PLEKHA7: variants seen among roughly 807,000 people sequenced by gnomAD.
The protein encoded by PLEKHA7 is pleckstrin homology domain containing A7, also known as pleckstrin homology domain-containing family A member 7.
In PLEKHA7, 104 loss-of-function variants were observed where a neutral mutation model predicts 170.0. The observed-to-expected ratio is 0.61, with a 90% CI of 0.52 to 0.72. The LOEUF is 0.72. PLEKHA7 is among the 30% of genes least tolerant of loss of function. The pLI is 0.00. For synonymous variants in PLEKHA7, 648 were observed against 660.8 expected (o/e 0.98, Z 0.30); for missense variants, 1,615 against 1,671.7 (o/e 0.97, Z 0.59).
At chr11:17,009,203 C>A (rs1033551476) in intron 3 of PLEKHA7, among the ~76,000 whole-genome samples, 9 of 152,174 alleles carry the variant, frequency 5.9e-5, no homozygotes, top group African/African-American at 2.2e-4. Flanking sequence ...GTTCCAGTCC[C>A]AGCTCTAACA....
At chr11:16,811,866 C>T (rs1849395853) in intron 13 of PLEKHA7, among the ~76,000 whole-genome samples, 1 of 152,212 alleles carries the variant, frequency 6.6e-6, no homozygotes, top group African/African-American at 2.4e-5. Context: ...CTCTCCTTGG[C>T]TCTCACTGAT....
At chr11:16,913,514 C>T (rs78743074) in intron 3 of PLEKHA7, among the ~76,000 whole-genome samples, 1,707 of 152,284 alleles carry the variant, frequency 0.011, 37 homozygotes, top group African/African-American at 0.038. Flanking sequence ...GCAGTGGTCA[C>T]GGGAGAGAGG....
At chr11:16,857,089 C>T (rs1172330571) in intron 4 of PLEKHA7, among the ~76,000 whole-genome samples, 1 of 152,200 alleles carries the variant, frequency 6.6e-6, no homozygotes, top group African/African-American at 2.4e-5. Context: ...TCCTAGTTTC[C>T]ACCATGGAAA....
chr11:16,902,945 T>C (rs1426716687), intron 3 of PLEKHA7, among the ~76,000 whole-genome samples: 1 of 152,112 alleles, frequency 6.6e-6, no homozygotes, highest in East Asian at 1.9e-4. Context: ...GCTCTTCCCA[T>C]AAGGAGAGAG....
intron 3 of PLEKHA7, among the ~76,000 whole-genome samples, chr11:16,898,790 C>T (rs958797692): frequency 3.3e-5 from 5 of 152,158 alleles, no homozygotes; most frequent in Admixed American, 6.5e-5. Context: ...GGCCTCCTTG[C>T]TTCTAGACTT....
At chr11:16,992,143 T>A (rs1317440589) in intron 3 of PLEKHA7, among the ~76,000 whole-genome samples, 3 of 152,062 alleles carry the variant, frequency 2.0e-5, no homozygotes, top group Non-Finnish European at 4.4e-5. Context: ...GAAAGCTACG[T>A]GACTCTGTGT....
chr11:16,857,018 C>T (rs1028145984), intron 4 of PLEKHA7, among the ~76,000 whole-genome samples: 10 of 152,148 alleles, frequency 6.6e-5, no homozygotes, highest in East Asian at 1.9e-4. Flanking sequence ...ATGCAGCTGA[C>T]GAAGCAACAC....
chr11:16,916,346 G>C (rs1858677733), intron 3 of PLEKHA7, among the ~76,000 whole-genome samples: 1 of 152,306 alleles, frequency 6.6e-6, no homozygotes, highest in Non-Finnish European at 1.5e-5. Flanking sequence ...TGGCTGTGCA[G>C]AAGCGCCAAG....
At chr11:16,850,685 C>A (rs1439043018) in intron 8 of PLEKHA7, among the ~76,000 whole-genome samples, 1 of 152,224 alleles carries the variant, frequency 6.6e-6, no homozygotes, top group Non-Finnish European at 1.5e-5. Context: ...GTAAAGGGAT[C>A]TGCCTGGAAA....
At chr11:16,832,514 T>C (rs1215162733) in intron 9 of PLEKHA7, among the ~76,000 whole-genome samples, 5 of 152,240 alleles carry the variant, frequency 3.3e-5, no homozygotes, top group Non-Finnish European at 2.9e-5. Flanking sequence ...CAAGCAACTG[T>C]GCACTGATTA....
intron 3 of PLEKHA7, among the ~76,000 whole-genome samples, chr11:17,001,224 G>A (rs1426671857): frequency 2.0e-5 from 3 of 152,142 alleles, no homozygotes; most frequent in Non-Finnish European, 4.4e-5. Flanking sequence ...CAGAAACAGT[G>A]AGCTTCATTT....
chr11:16,825,482 G>A (rs888124443), intron 10 of PLEKHA7, among the ~76,000 whole-genome samples: 2 of 152,234 alleles, frequency 1.3e-5, no homozygotes, highest in African/African-American at 4.8e-5. Context: ...ACAAAGCACA[G>A]TGGCTTCTGG....
In PLEKHA7 at chr11:16,887,972, C is replaced by T. The variant is rs549303240; in HGVS notation, c.222-16790G>A. Among the ~76,000 whole-genome samples, 58 of 151,392 alleles carry T rather than the reference C, an allele frequency of 3.8e-4. 1 individual carries two copies. In the South Asian group the frequency reaches 5.5e-3, roughly 14 times the overall value. ...AGGAGCTCTCTGCCCGGCCGCCCAT[C>T]GTCTGAGATGTGGGGAGCACCTCTG... On this transcript the variant is annotated intron_variant, in intron 3 of 26. Coordinates refer to ENST00000531066, the MANE Select transcript of PLEKHA7 (RefSeq NM_001329630.2).
rs919961795 is a variant in PLEKHA7, at chr11:16,922,590, T to C, written c.222-51408A>G. Among the ~76,000 whole-genome samples, 18 of 152,184 alleles carry C rather than the reference T, an allele frequency of 1.2e-4. 1 individual carries two copies. ...TAGTACAAACCCTAGGTTGGAACTT[T>C]GTGCTTTTGCAAACCAAGACTGCAA... is the stretch of plus-strand genomic sequence containing the variant. On this transcript the variant is annotated intron_variant, in intron 3 of 26. Transcript: ENST00000531066.
At chr11:16,910,319 T>TG (rs796333118) in intron 3 of PLEKHA7, among the ~76,000 whole-genome samples, 6 of 152,308 alleles carry the variant, frequency 3.9e-5, no homozygotes, top group African/African-American at 1.4e-4. Context: ...AAGCCCAGGG[T>TG]GGCAGGCAAA....
At chr11:16,832,927 C>A (rs1288058710) in intron 9 of PLEKHA7, among the ~76,000 whole-genome samples, 1 of 152,000 alleles carries the variant, frequency 6.6e-6, no homozygotes, top group Non-Finnish European at 1.5e-5. Context: ...AGGGTGGGCT[C>A]AAAAGCCAGA....
intron 26 of PLEKHA7, among the ~76,000 whole-genome samples, chr11:16,779,361 A>G (rs1848852607): frequency 6.6e-6 from 1 of 152,210 alleles, no homozygotes; most frequent in South Asian, 2.1e-4. Context: ...TTTCTAACCT[A>G]AAAAACATGG....
chr11:16,867,510 G>T (rs1482753901), intron 4 of PLEKHA7, among the ~76,000 whole-genome samples: 1 of 152,138 alleles, frequency 6.6e-6, no homozygotes, highest in Non-Finnish European at 1.5e-5. Context: ...ATTAGTCTGA[G>T]ACATAACACA....
chr11:16,921,017 T>C (rs1258248444), intron 3 of PLEKHA7, among the ~76,000 whole-genome samples: 1 of 152,258 alleles, frequency 6.6e-6, no homozygotes, highest in Non-Finnish European at 1.5e-5. Context: ...AATTCGGGGC[T>C]GTAATCATAA....
Sources: allele counts gnomAD v4.1 joint callset (sites outside exome capture counted in the v4.1 genomes callset), GRCh38; gene constraint gnomAD v4.1.1; transcripts MANE v1.5; gene names NCBI Gene and HGNC (gene_info 2026-07-23, HGNC 2026-07-21).